Variants in TNKS1BP1 observed in about 807,000 individuals in gnomAD.
The protein encoded by TNKS1BP1 is CCR4-NOT transcription complex subunit 12, also known as 182 kDa tankyrase-1-binding protein.
Under a neutral mutation model 141.1 loss-of-function variants are expected in TNKS1BP1, and 48 were observed. The observed-to-expected ratio is 0.34, with a 90% confidence interval of 0.27 to 0.43. The LOEUF (loss-of-function observed/expected upper bound fraction) is 0.43. TNKS1BP1 is among the 20% of genes least tolerant of loss of function. The probability of loss-of-function intolerance (pLI) is 1.00; values close to 1 mark genes in which losing one functional copy is unlikely to be tolerated. For synonymous variants in TNKS1BP1, 875 were observed against 898.2 expected, an observed-to-expected ratio of 0.97 and a Z score of 0.46; for missense variants, 2,149 against 2,226.0, an observed-to-expected ratio of 0.97 and a Z score of 0.70.
In TNKS1BP1 at chr11:57,309,929, A is replaced by T; in HGVS notation, c.2782T>A (p.Trp928Arg). 6.2e-7 allele frequency: 1 copy of T among 1,614,144 alleles called. No individual in the cohort carries two copies. The highest frequency in any genetic ancestry group is 8.5e-7 in the Non-Finnish European group (1 of 1,180,032). The part of the protein sequence containing the change: ...YSSQDADEQD[W>R]EFQKRDVSLG... ...GACACATCTCTCTTCTGAAACTCCC[A>T]GTCCTGCTCATCGGCATCCTGGCTG... The change falls in exon 6 of 12, where the codon TGG becomes AGG. Residue 928 changes from tryptophan (W) to arginine (R), a missense_variant. Transcript: ENST00000358252. The surrounding 1 kb of genome is among the most constrained non-coding windows in gnomAD (Gnocchi z 4.3).
intron 3 of TNKS1BP1, 59 bp downstream of exon 3, chr11:57,320,020 C>CCCCCCCCAGACCACCCCGCCGCCCCAAA: frequency 8.2e-7 from 1 of 1,213,902 alleles, no homozygotes; most frequent in Non-Finnish European, 1.2e-6. Flanking sequence ...AGCCCCCACC[C>CCCCCCCCAGACCACCCCGCCGCCCCAAA]AATCCCACCC....
At chr11:57,324,664 C>G (rs1590600529) in intron 1 of TNKS1BP1, among the ~76,000 whole-genome samples, 176 bp downstream of exon 1, 1 of 151,938 alleles carries the variant, frequency 6.6e-6, no homozygotes, top group Admixed American at 6.5e-5. Flanking sequence ...CCACCTTCCC[C>G]CGGGCCTCCA....
Position 57,320,604 on chromosome 11 carries a change from G to A in TNKS1BP1, c.203C>T (p.Pro68Leu), listed in dbSNP as rs1490752535. 1 of 1,613,766 alleles carries A rather than the reference G, an allele frequency of 6.2e-7. No homozygotes were observed. The highest frequency in any genetic ancestry group is 1.1e-5 in the South Asian group (1 of 91,054). Residue 68 changes from proline (P) to leucine (L), a missense_variant, in exon 3 of 12, where the codon CCC (proline) becomes CTC (leucine). Coordinates refer to ENST00000358252, the MANE Select transcript of TNKS1BP1 (RefSeq NM_033396.3). The stretch of plus-strand genomic sequence containing the variant: ...AGGCAACTCAGCCAGGGGACCCCGG[G>A]GAGGCCGAGGCCCAACAGGCACCAG... ...SLLVPVGPRP[P>L]RGPLAELPSA...
rs1363085752 is a variant in TNKS1BP1 at position 57,302,499 on chromosome 11, G to C, written c.4643C>G (p.Pro1548Arg). ...GTCCTGACTGGGGGATCTGGCAGGA[G>C]GGCCTTGGGAGGGTCGCCGAGAAGT... ...AQTSRRPSQGPPARSPSQDFS... is the reference protein window; with the variant it reads ...AQTSRRPSQGRPARSPSQDFS... Residue 1548 changes from proline (P) to arginine (R), a missense_variant, in exon 7 of 12, where the codon CCT (proline) becomes CGT (arginine). Transcript: ENST00000358252. The surrounding 1 kb of genome is among the most constrained non-coding windows in gnomAD (Gnocchi z 5.5). The C allele has an allele frequency of 6.2e-7, 1 of 1,608,270 alleles. No individual in the cohort carries two copies. Among genetic ancestry groups the C allele is most frequent in the Non-Finnish European group, 8.5e-7 (1 of 1,176,224 alleles).
rs578200006 is a variant in TNKS1BP1 at position 57,304,460 on chromosome 11, A to C, written c.4317-1635T>G. 8.0e-4 allele frequency among the ~76,000 whole-genome samples: 122 copies of C among 152,304 alleles called. 1 individual carries two copies. Among genetic ancestry groups the C allele is most frequent in the Non-Finnish European group, 1.0e-3 (71 of 68,024 alleles). On this transcript the variant is annotated intron_variant, in intron 6 of 11. Coordinates refer to ENST00000358252, the MANE Select transcript of TNKS1BP1 (RefSeq NM_033396.3). ...CCAGCTCACCCTGACAGCCAGCTTA[A>C]AATCAGGGAGAATTTGGAGGGAGGG...
Position 57,321,880 on chromosome 11 carries a change from T to A in TNKS1BP1, c.6A>T (p.Lys2Asn). The change falls in exon 2 of 12, where the codon AAA becomes AAT. Residue 2 changes from lysine (K) to asparagine (N), a missense_variant. By Grantham distance (94) the Lys-to-Asn change is moderately conservative. Transcript: ENST00000358252. ...CTGAGCTTTCCCTGAGAGTAGACAC[T>A]TTCATCACATGCGGCAGACCCTCCT... MKVSTLRESSAM... is the reference protein window; with the variant it reads MNVSTLRESSAM... 1 of 1,613,636 alleles carries A rather than the reference T, an allele frequency of 6.2e-7. No homozygotes were observed.
In TNKS1BP1 at chr11:57,300,619, AG is replaced by A. The variant is rs1855510821; in HGVS notation, c.5130-20del. On this transcript the variant is annotated intron_variant, in intron 10 of 11. Coordinates refer to ENST00000358252, the MANE Select transcript of TNKS1BP1 (RefSeq NM_033396.3). ...TTCTGACCTAGGAGGCAGACGGCAA[AG>A]GTCCAGAATGCAAACTTTGAGGAAA... is the stretch of plus-strand genomic sequence containing the variant. 1.9e-6 allele frequency: 3 copies of A among 1,614,194 alleles called. No individual in the cohort carries two copies. The highest frequency in any genetic ancestry group is 1.7e-4 in the Middle Eastern group (1 of 6,060).
At position 57,312,985 on chromosome 11, in the gene TNKS1BP1, G is replaced by T. The variant is rs141164809; in HGVS notation, c.1703C>A (p.Pro568His). The T allele has an allele frequency of 6.2e-7, 1 of 1,613,912 alleles. No homozygotes were observed. The highest frequency in any genetic ancestry group is 2.2e-5 in the East Asian group (1 of 44,872). ...GESQPQFPAV[P>H]LEPLPTTEGT... ...CTCAGTTGTAGGCAGGGGCTCAAGG[G>T]GAACAGCTGGGAATTGAGGTTGACT... The change falls in exon 5 of 12, where the codon CCC becomes CAC. Residue 568 changes from proline to histidine, a missense_variant. By Grantham distance (77) the Pro-to-His change is moderately conservative. Coordinates refer to ENST00000358252, the MANE Select transcript of TNKS1BP1 (RefSeq NM_033396.3).
chr11:57,317,777 TA>T, intron 4 of TNKS1BP1, 40 bp downstream of exon 4: 1 of 1,595,668 alleles, frequency 6.3e-7, no homozygotes, highest in Non-Finnish European at 8.6e-7. Flanking sequence ...CTTCCAGCTC[TA>T]AAATACGTGA....
Position 57,309,291 on chromosome 11 carries a change from A to G in TNKS1BP1, c.3420T>C (p.Ser1140=), listed in dbSNP as rs1234502793. 6.2e-7 allele frequency: 1 copy of G among 1,614,052 alleles called. No individual in the cohort carries two copies. Residue 1140 remains serine (S), a synonymous_variant, in exon 6 of 12, where the codon TCT becomes TCC. Coordinates refer to ENST00000358252, the MANE Select transcript of TNKS1BP1 (RefSeq NM_033396.3). This position sits in a 1 kb window ranked among gnomAD's most constrained non-coding sequence, Gnocchi z 4.3. Reference sequence around the variant, plus strand: ...CAAAGTGACCACCTTCCATCTTGCTAGAAGGGCTAAAGCCAGCACCACTCA... The same window carrying G: ...CAAAGTGACCACCTTCCATCTTGCTGGAAGGGCTAAAGCCAGCACCACTCA... ...DRVSGAGFSP[S]SKMEGGHFVP...
intron 6 of TNKS1BP1, among the ~76,000 whole-genome samples, chr11:57,304,457 T>C (rs1224164331): frequency 2.6e-5 from 4 of 152,150 alleles, no homozygotes; most frequent in Non-Finnish European, 4.4e-5. Context: ...GACAGCCAGC[T>C]TAAAATCAGG....
intron 2 of TNKS1BP1, among the ~76,000 whole-genome samples, chr11:57,321,256 G>T (rs546600272): frequency 2.0e-5 from 3 of 152,090 alleles, no homozygotes. Flanking sequence ...CATCTGGTGT[G>T]TGACTGGGAA....
rs757503738 is a variant in TNKS1BP1 at position 57,309,941 on chromosome 11, C to G, written c.2770G>C (p.Asp924His). Residue 924 changes from aspartate (D) to histidine (H), a missense_variant, in exon 6 of 12, where the codon GAT (aspartate) becomes CAT (histidine). Asp to His is a moderately conservative substitution (Grantham distance 81). Transcript: ENST00000358252. This position sits in a 1 kb window ranked among gnomAD's most constrained non-coding sequence, Gnocchi z 4.3. ...TTCTGAAACTCCCAGTCCTGCTCAT[C>G]GGCATCCTGGCTGCTGTACCTACCA... ...HHGRYSSQDADEQDWEFQKRD... is the reference protein window; with the variant it reads ...HHGRYSSQDAHEQDWEFQKRD... 1.2e-6 allele frequency: 2 copies of G among 1,614,200 alleles called. No individual in the cohort carries two copies. Among genetic ancestry groups the G allele is most frequent in the East Asian group, 4.5e-5 (2 of 44,884 alleles).
At chr11:57,310,923 C>G (rs1246293230) in intron 5 of TNKS1BP1, among the ~76,000 whole-genome samples, 1 of 152,176 alleles carries the variant, frequency 6.6e-6, no homozygotes, top group Non-Finnish European at 1.5e-5. Flanking sequence ...GAATGGCAGG[C>G]AGTGCACTTT....
intron 6 of TNKS1BP1, among the ~76,000 whole-genome samples, chr11:57,306,916 T>TGGGGGGGGAGGG (rs1189050190): frequency 8.8e-5 from 1 of 11,384 alleles, no homozygotes; most frequent in Non-Finnish European, 1.5e-4. Flanking sequence ...GGGGGGGGGT[T>TGGGGGGGGAGGG]GGGTGGGAGG....
chr11:57,319,999 A>T, intron 3 of TNKS1BP1, 80 bp downstream of exon 3: 1 of 1,555,488 alleles, frequency 6.4e-7, no homozygotes. Flanking sequence ...GGGGCCATGC[A>T]CTTGGTCCCC....
chr11:57,319,423 A>C (rs1301085125), intron 3 of TNKS1BP1, among the ~76,000 whole-genome samples: 2 of 152,180 alleles, frequency 1.3e-5, no homozygotes, highest in African/African-American at 4.8e-5. Context: ...TTGAACAAAC[A>C]GGATGCCAAC....
intron 6 of TNKS1BP1, among the ~76,000 whole-genome samples, chr11:57,305,071 T>C (rs1444443923): frequency 2.0e-5 from 3 of 151,946 alleles, no homozygotes; most frequent in Non-Finnish European, 2.9e-5. Flanking sequence ...GCAGCTTTCC[T>C]ACCCCTAAGC....
intron 3 of TNKS1BP1, among the ~76,000 whole-genome samples, chr11:57,318,107 A>G (rs1238872475): frequency 6.6e-6 from 1 of 152,214 alleles, no homozygotes; most frequent in Non-Finnish European, 1.5e-5. Context: ...TCCCTACCTG[A>G]GCATGAAGGG....
Sources: allele counts gnomAD v4.1 joint callset (sites outside exome capture counted in the v4.1 genomes callset), GRCh38; gene constraint gnomAD v4.1.1; non-coding constraint Gnocchi (gnomAD v3.1); transcripts MANE v1.5; gene names NCBI Gene and HGNC (gene_info 2026-07-23, HGNC 2026-07-21).